The following DNAI4 variants were observed in gnomAD, a reference collection of about 807,000 sequenced individuals.
The protein encoded by DNAI4 is WD repeat domain 78.
Under a neutral mutation model 105.8 loss-of-function variants are expected in DNAI4, and 85 were observed. That is an observed-to-expected ratio of 0.80 (90% confidence interval 0.67 to 0.96). The LOEUF (loss-of-function observed/expected upper bound fraction) is 0.96. Among genes scored for constraint, DNAI4 ranks in the 40% least tolerant of loss-of-function variants. The probability of loss-of-function intolerance (pLI) is 0.00; values close to 1 mark genes in which losing one functional copy is unlikely to be tolerated. For missense variants in DNAI4, 1,014 were observed against 1,005.6 expected (o/e 1.01, Z -0.11); for synonymous variants, 352 against 331.5 (o/e 1.06, Z -0.67).
At chr1:66,889,439 C>T (rs956209422) in intron 4 of DNAI4, among the ~76,000 whole-genome samples, 2 of 152,030 alleles carry the variant, frequency 1.3e-5, no homozygotes, top group East Asian at 1.9e-4. Flanking sequence ...AATAGCAGAA[C>T]GGCCAATCCA....
chr1:66,847,799 T>A, intron 7 of DNAI4, 121 bp from the exon 8 acceptor site: 1 of 774,308 alleles, frequency 1.3e-6, no homozygotes, highest in Non-Finnish European at 2.0e-6. Context: ...CCAACAACTT[T>A]AATAGACATT....
rs111367029 is a variant in DNAI4 at position 66,836,216 on chromosome 1, G to A, written c.1582-439C>T. ...AGAAAGAAAGAAAGAAAGAGAGAGA[G>A]AGAGAGAGAGAGAGAGAGAAAGAAA... On this transcript the variant is annotated intron_variant, in intron 10 of 16. Coordinates refer to ENST00000371026, the MANE Select transcript of DNAI4 (RefSeq NM_024763.5). 1.5e-3 allele frequency among the ~76,000 whole-genome samples: 149 copies of A among 99,478 alleles called. 3 individuals are homozygous for A. The highest frequency in any genetic ancestry group is 2.1e-3 in the Admixed American group (18 of 8,616). The allele number at this position is 99,478 out of a possible 152,430, so 65.3% of individuals were successfully genotyped here.
At chr1:66,822,549 T>C (rs754628906) in intron 15 of DNAI4, 32 bp from the exon 16 acceptor site, 1 of 1,510,486 alleles carries the variant, frequency 6.6e-7, no homozygotes, top group Non-Finnish European at 8.9e-7. Flanking sequence ...GTAAATTCAA[T>C]TGTTATATTA....
chr1:66,859,800 CAAGAGA>C lies in DNAI4; in HGVS notation c.1096+2341_1096+2346del, dbSNP rs1193443186. Among the ~76,000 whole-genome samples the C allele has an allele frequency of 7.2e-5, 11 of 152,020 alleles. No homozygotes were observed. In the East Asian group the frequency reaches 2.1e-3, roughly 29 times the overall value. On this transcript the variant is annotated intron_variant, in intron 7 of 16. Coordinates refer to ENST00000371026, the MANE Select transcript of DNAI4 (RefSeq NM_024763.5). ...AAAATATCAGTGACTATCAAGGGTACAAGAGAAAGGAGAAATGATGAATAGGTGGTC... is the reference window on the plus strand; with the variant it reads ...AAAATATCAGTGACTATCAAGGGTACAAGGAGAAATGATGAATAGGTGGTC...
At position 66,834,070 on chromosome 1, in the gene DNAI4, G is replaced by A. The variant is rs1293216649; in HGVS notation, c.1812C>T (p.Gly604=). The change falls in exon 12 of 17, where the codon GGC becomes GGT. Residue 604 remains glycine (G), a synonymous_variant. Coordinates refer to ENST00000371026, the MANE Select transcript of DNAI4 (RefSeq NM_024763.5). The stretch of plus-strand genomic sequence containing the variant: ...ATATAGAAACTAGTATTTCTCTTTT[G>A]CCATCTCCTGTTGTTCCTCGATCTT... ...IEQDRGTTGD[G]KREILVSISA... The A allele has an allele frequency of 4.0e-5, 64 of 1,612,184 alleles. No individual in the cohort carries two copies. Among genetic ancestry groups the A allele is most frequent in the Non-Finnish European group, 5.3e-5 (63 of 1,179,300 alleles).
intron 6 of DNAI4, among the ~76,000 whole-genome samples, chr1:66,869,252 A>C (rs929001251): frequency 6.6e-6 from 1 of 151,862 alleles, no homozygotes; most frequent in Non-Finnish European, 1.5e-5. Context: ...GCCATTTTAA[A>C]ATGGTATTTT....
At chr1:66,826,619 A>G (rs796813703) in intron 15 of DNAI4, among the ~76,000 whole-genome samples, 41 of 152,244 alleles carry the variant, frequency 2.7e-4, no homozygotes, top group African/African-American at 9.4e-4. Context: ...CTTTCATTCA[A>G]ATACTTTTAA....
chr1:66,891,714 T>C (rs1647666393), intron 3 of DNAI4, among the ~76,000 whole-genome samples: 2 of 152,220 alleles, frequency 1.3e-5, no homozygotes, highest in East Asian at 1.9e-4. Context: ...TCTGCCCACC[T>C]CGGCCTCCCA....
At chr1:66,874,707 C>G in intron 5 of DNAI4, 74 bp downstream of exon 5, 2 of 1,509,022 alleles carry the variant, frequency 1.3e-6, no homozygotes, top group Non-Finnish European at 1.8e-6. Flanking sequence ...GGACCCTTCA[C>G]AGAAACAAGG....
At chr1:66,831,346 A>G (rs969769968) in intron 13 of DNAI4, among the ~76,000 whole-genome samples, 1 of 152,178 alleles carries the variant, frequency 6.6e-6, no homozygotes. Flanking sequence ...CAAGAAAACT[A>G]TAGATCAATC....
intron 8 of DNAI4, 95 bp from the exon 9 acceptor site, chr1:66,840,766 C>G (rs1646133240): frequency 7.9e-7 from 1 of 1,260,752 alleles, no homozygotes; most frequent in Admixed American, 1.9e-5. Context: ...ACTGACACTT[C>G]AAGCACCATC....
intron 13 of DNAI4, 175 bp from the exon 14 acceptor site, chr1:66,828,085 C>CT: frequency 2.5e-6 from 1 of 404,416 alleles, no homozygotes. Context: ...AATAATCAAA[C>CT]TACCTGAGAG....
intron 4 of DNAI4, among the ~76,000 whole-genome samples, chr1:66,881,463 C>T (rs781557667): frequency 1.3e-5 from 2 of 152,286 alleles, no homozygotes; most frequent in East Asian, 1.9e-4. Flanking sequence ...ATGCAAGATA[C>T]GGAGTGAAAA....
Position 66,814,127 on chromosome 1 carries a change from G to T in DNAI4, c.*3C>A. 3.2e-6 allele frequency: 5 copies of T among 1,585,976 alleles called. No homozygotes were observed. Among genetic ancestry groups the T allele is most frequent in the Non-Finnish European group, 4.3e-6 (5 of 1,174,584 alleles). ...CTACAAGAAAAATATTAGGAATGAT[G>T]AATTATGCTGATTGGTTTGACTTGG... On this transcript the variant is annotated 3_prime_UTR_variant, in exon 17 of 17. Coordinates refer to ENST00000371026, the MANE Select transcript of DNAI4 (RefSeq NM_024763.5).
chr1:66,901,171 T>G (rs1451338824), intron 2 of DNAI4, among the ~76,000 whole-genome samples: 2 of 152,228 alleles, frequency 1.3e-5, no homozygotes, highest in Non-Finnish European at 2.9e-5. Context: ...TTTTCTCTAT[T>G]GTTTTTCTAT....
chr1:66,881,320 G>A (rs1477400526), intron 4 of DNAI4, among the ~76,000 whole-genome samples: 1 of 152,222 alleles, frequency 6.6e-6, no homozygotes, highest in Admixed American at 6.5e-5. Flanking sequence ...CTTGCACCAT[G>A]TGCCAGGAAA....
chr1:66,814,561 G>A (rs1300540580), intron 16 of DNAI4, among the ~76,000 whole-genome samples: 4 of 152,046 alleles, frequency 2.6e-5, no homozygotes, highest in Non-Finnish European at 2.9e-5. Flanking sequence ...GTAGAGATAC[G>A]GTTTCACTGT....
chr1:66,834,014 A>G lies in DNAI4; in HGVS notation c.1868T>C (p.Ile623Thr). ...ACCATAACAGTCTAGTCCTTTTCGT[A>G]TAACCCATTTGGAGATTCTTCCATC... The part of the protein sequence containing the change: ...SADGRISKWV[I>T]RKGLDCYDLM... Residue 623 changes from isoleucine to threonine, a missense_variant, in exon 12 of 17, where the codon ATA becomes ACA. Transcript: ENST00000371026. The G allele has an allele frequency of 2.5e-6, 4 of 1,605,992 alleles. No homozygotes were observed. The highest frequency in any genetic ancestry group is 3.4e-6 in the Non-Finnish European group (4 of 1,177,794).
At chr1:66,920,594 A>C (rs1650404713) in intron 1 of DNAI4, among the ~76,000 whole-genome samples, 1 of 151,922 alleles carries the variant, frequency 6.6e-6, no homozygotes, top group Non-Finnish European at 1.5e-5. Flanking sequence ...AAAAGCACTC[A>C]CCCTGGCTCC....
Sources: gnomAD v4.1 joint callset for allele counts (sites outside exome capture counted in the v4.1 genomes callset) on GRCh38, gnomAD v4.1.1 for gene constraint, MANE v1.5 for transcripts, NCBI Gene and HGNC (gene_info 2026-07-23, HGNC 2026-07-21) for gene names.